The following RNF180 variants were observed in gnomAD, a reference collection of about 807,000 sequenced individuals.
The protein encoded by RNF180 is ring finger protein 180, also known as E3 ubiquitin-protein ligase RNF180.
A neutral mutation model predicts 59.2 loss-of-function variants in RNF180; 38 were observed. That is an observed-to-expected ratio of 0.64 (90% CI 0.50 to 0.84). The LOEUF is 0.84. Ranked by LOEUF, RNF180 falls within the 40% of genes least tolerant of loss-of-function variation. The pLI is 0.00. For missense variants in RNF180, 705 were observed against 700.9 expected (o/e 1.01, Z -0.07); for synonymous variants, 262 against 240.3 (o/e 1.09, Z -0.84).
Position 64,213,976 on chromosome 5 carries a change from G to C in RNF180, c.650G>C (p.Gly217Ala), listed in dbSNP as rs376389819. The change falls in exon 4 of 8, where the codon GGC (glycine) becomes GCC (alanine). Residue 217 changes from glycine to alanine, a missense_variant. Transcript: ENST00000389100. ...CTTTTTGTTCCCCAGCTTGTGACTGGCAGATGCGCTACAAGAGCTTTTCAT... is the reference window on the plus strand; with the variant it reads ...CTTTTTGTTCCCCAGCTTGTGACTGCCAGATGCGCTACAAGAGCTTTTCAT... Reference protein sequence around the residue: ...YQLFVPQLVTGRCATRAFHRK... With the variant: ...YQLFVPQLVTARCATRAFHRK... The C allele has an allele frequency of 3.2e-5, 52 of 1,613,950 alleles. No individual in the cohort carries two copies. The Middle Eastern group carries it at 2.1e-3, about 67-fold the overall frequency.
intron 5 of RNF180, among the ~76,000 whole-genome samples, chr5:64,247,500 C>T (rs897994247): frequency 6.6e-6 from 1 of 152,094 alleles, no homozygotes; most frequent in African/African-American, 2.4e-5. Flanking sequence ...GAGTGAACTC[C>T]CATTCACAAT....
At chr5:64,289,069 A>G (rs1742437133) in intron 5 of RNF180, among the ~76,000 whole-genome samples, 1 of 152,170 alleles carries the variant, frequency 6.6e-6, no homozygotes, top group African/African-American at 2.4e-5. Context: ...TGTTCCTTCA[A>G]TACCTAGTTT....
chr5:64,280,611 G>A (rs1042543720), intron 5 of RNF180, among the ~76,000 whole-genome samples: 1 of 151,734 alleles, frequency 6.6e-6, no homozygotes, highest in East Asian at 1.9e-4. Context: ...AGATCAGATG[G>A]TTTTAGGTGT....
intron 1 of RNF180, among the ~76,000 whole-genome samples, chr5:64,178,618 A>G (rs1485398409): frequency 1.3e-5 from 2 of 152,202 alleles, no homozygotes; most frequent in Admixed American, 6.5e-5. Flanking sequence ...TGATTGATGC[A>G]TTGCATATGA....
chr5:64,344,244 A>G (rs954606529), intron 7 of RNF180, among the ~76,000 whole-genome samples: 4 of 152,090 alleles, frequency 2.6e-5, no homozygotes, highest in African/African-American at 7.2e-5. Context: ...GGTTGGAAGT[A>G]TAGAAAATTA....
At chr5:64,237,321 C>T (rs1271872933) in intron 5 of RNF180, among the ~76,000 whole-genome samples, 4 of 152,232 alleles carry the variant, frequency 2.6e-5, no homozygotes, top group East Asian at 1.9e-4. Context: ...ATTGACTGCC[C>T]GGCCAGGTGT....
intron 2 of RNF180, among the ~76,000 whole-genome samples, chr5:64,209,563 T>C (rs1682899177): frequency 6.6e-6 from 1 of 152,076 alleles, no homozygotes. Flanking sequence ...TAAATATTGA[T>C]AGGCTGAGTG....
intron 7 of RNF180, among the ~76,000 whole-genome samples, chr5:64,353,767 A>G (rs1229163212): frequency 6.6e-6 from 1 of 151,836 alleles, no homozygotes; most frequent in African/African-American, 2.4e-5. Flanking sequence ...AAGCAATACA[A>G]AGTATCTTCG....
At chr5:64,210,550 A>T (rs1022594078) in intron 2 of RNF180, among the ~76,000 whole-genome samples, 5 of 152,142 alleles carry the variant, frequency 3.3e-5, no homozygotes, top group Admixed American at 3.3e-4. Flanking sequence ...GTTTGTTTTC[A>T]TGCAGTTTGC....
intron 5 of RNF180, among the ~76,000 whole-genome samples, chr5:64,237,291 A>G (rs1334743644): frequency 6.6e-6 from 1 of 152,080 alleles, no homozygotes; most frequent in Admixed American, 6.6e-5. Flanking sequence ...GTCAAAGGAG[A>G]TGTTAGAGCT....
At chr5:64,367,356 A>G (rs1327566463) in intron 7 of RNF180, among the ~76,000 whole-genome samples, 1 of 151,706 alleles carries the variant, frequency 6.6e-6, no homozygotes. Flanking sequence ...GATAAACAAT[A>G]AAATATTACA....
chr5:64,254,429 A>G (rs1743797234), intron 5 of RNF180, among the ~76,000 whole-genome samples: 1 of 152,166 alleles, frequency 6.6e-6, no homozygotes, highest in South Asian at 2.1e-4. Flanking sequence ...TTTTGTTTAA[A>G]TAACAAAAAA....
chr5:64,321,043 A>G (rs893422338), intron 5 of RNF180, among the ~76,000 whole-genome samples: 1 of 152,210 alleles, frequency 6.6e-6, no homozygotes, highest in Non-Finnish European at 1.5e-5. Flanking sequence ...GTCTCAAAAA[A>G]AAAAAGGGAA....
At chr5:64,314,418 T>C (rs1018676930) in intron 5 of RNF180, among the ~76,000 whole-genome samples, 2 of 152,110 alleles carry the variant, frequency 1.3e-5, no homozygotes, top group African/African-American at 2.4e-5. Context: ...ATCATTGATA[T>C]TGACAATATT....
At chr5:64,232,410 A>G (rs1742150841) in intron 5 of RNF180, among the ~76,000 whole-genome samples, 1 of 152,130 alleles carries the variant, frequency 6.6e-6, no homozygotes, top group South Asian at 2.1e-4. Flanking sequence ...GTTTGATTCA[A>G]GGCTGGAGTG....
At chr5:64,266,559 GC>G (rs2112336473) in intron 5 of RNF180, among the ~76,000 whole-genome samples, 1 of 152,180 alleles carries the variant, frequency 6.6e-6, no homozygotes, top group Admixed American at 6.6e-5. Context: ...AAGGGATATT[GC>G]TCACTCAAGA....
chr5:64,241,027 T>C (rs769278005), intron 5 of RNF180, among the ~76,000 whole-genome samples: 1 of 152,248 alleles, frequency 6.6e-6, no homozygotes, highest in Non-Finnish European at 1.5e-5. Context: ...TTCAATGTTA[T>C]TGAATGAATG....
chr5:64,190,770 G>A (rs1173554329), intron 1 of RNF180, among the ~76,000 whole-genome samples: 1 of 152,150 alleles, frequency 6.6e-6, no homozygotes, highest in Non-Finnish European at 1.5e-5. Flanking sequence ...GCCATGTGAG[G>A]ACACAGTAAG....
intron 1 of RNF180, among the ~76,000 whole-genome samples, chr5:64,177,048 TG>T (rs1210365690): frequency 2.0e-5 from 3 of 152,210 alleles, no homozygotes; most frequent in Non-Finnish European, 4.4e-5. Flanking sequence ...GGCCAAATTT[TG>T]CTCAGATCTC....
Sources: gnomAD v4.1 joint callset for allele counts (sites outside exome capture counted in the v4.1 genomes callset) on GRCh38, gnomAD v4.1.1 for gene constraint, MANE v1.5 for transcripts, NCBI Gene and HGNC (gene_info 2026-07-23, HGNC 2026-07-21) for gene names.